PDE4C: variants seen among roughly 807,000 people sequenced by gnomAD.
PDE4C encodes 3',5'-cyclic-AMP phosphodiesterase 4C.
PDE4C carries 50 observed loss-of-function variants against 63.9 expected under a neutral mutation model. The ratio of observed to expected loss-of-function variants is 0.78; its 90% CI spans 0.62 to 0.99. The LOEUF (loss-of-function observed/expected upper bound fraction) is 0.99. Among genes scored for constraint, PDE4C ranks in the 50% least tolerant of loss-of-function variants. PDE4C has a pLI of 0.00. For missense variants in PDE4C, 777 were observed against 899.1 expected (o/e 0.86, Z 1.74); for synonymous variants, 377 against 385.1 (o/e 0.98, Z 0.25).
intron 1 of PDE4C, chr19:18,224,091 G>T: frequency 1.8e-6 from 1 of 565,902 alleles, no homozygotes; most frequent in Non-Finnish European, 2.2e-6. Context: ...CGTGCTTTCT[G>T]CCCGGCCCAC....
intron 1 of PDE4C, among the ~76,000 whole-genome samples, chr19:18,244,627 C>G: frequency 6.6e-6 from 1 of 152,068 alleles, no homozygotes; most frequent in Non-Finnish European, 1.5e-5. Context: ...ATCCTTCTGC[C>G]TCAGCCTCCC....
upstream of PDE4C, among the ~76,000 whole-genome samples, chr19:18,253,069 G>A (rs940166320): frequency 4.6e-5 from 7 of 152,306 alleles, no homozygotes; most frequent in South Asian, 6.2e-4. Flanking sequence ...GCAGATCAGC[G>A]TTCCCAGTCC....
At chr19:18,215,523 A>T (rs1968150675) in intron 12 of PDE4C, among the ~76,000 whole-genome samples, 1 of 148,264 alleles carries the variant, frequency 6.7e-6, no homozygotes, top group Non-Finnish European at 1.5e-5. Flanking sequence ...GATGTGTATA[A>T]TTTTTTTTTT....
chr19:18,249,409 G>A (rs1475358692), upstream of PDE4C, among the ~76,000 whole-genome samples: 1 of 151,982 alleles, frequency 6.6e-6, no homozygotes, highest in Non-Finnish European at 1.5e-5. Flanking sequence ...CTAATAGCTG[G>A]GATTACAGGC....
chr19:18,236,912 C>T (rs74389406), upstream of PDE4C: 4,914 of 152,830 alleles, frequency 0.032, 251 homozygotes, highest in African/African-American at 0.11. Flanking sequence ...TGGTGAACAC[C>T]ACATGGGTAC....
At chr19:18,230,595 A>G (rs2148050799), upstream of PDE4C, among the ~76,000 whole-genome samples, 1 of 152,188 alleles carries the variant, frequency 6.6e-6, no homozygotes, top group East Asian at 1.9e-4. Flanking sequence ...AGCTCCTCAC[A>G]TGCCTGATCC....
At chr19:18,249,907 G>A (rs1489137150), upstream of PDE4C, 8 of 384,930 alleles carry the variant, frequency 2.1e-5, no homozygotes, top group Non-Finnish European at 1.4e-5. Flanking sequence ...TCCCTGCCTT[G>A]AGTCTGTGGA....
chr19:18,238,215 AC>A (rs898111598), upstream of PDE4C, among the ~76,000 whole-genome samples: 1 of 146,236 alleles, frequency 6.8e-6, no homozygotes, highest in African/African-American at 2.5e-5. Flanking sequence ...ACAGAGTGAG[AC>A]CCCCTGTATC....
chr19:18,240,274 A>G (rs1235693395), intron 1 of PDE4C, among the ~76,000 whole-genome samples: 1 of 151,682 alleles, frequency 6.6e-6, no homozygotes, highest in Non-Finnish European at 1.5e-5. Flanking sequence ...AACATTTTAT[A>G]AATTAGCCAG....
At chr19:18,251,430 T>C (rs2148082002), upstream of PDE4C, among the ~76,000 whole-genome samples, 1 of 151,330 alleles carries the variant, frequency 6.6e-6, no homozygotes, top group South Asian at 2.1e-4. Flanking sequence ...CCAGCCATTT[T>C]TATTTTATTT....
At chr19:18,227,256 C>A (rs547844352), upstream of PDE4C, among the ~76,000 whole-genome samples, 6 of 152,134 alleles carry the variant, frequency 3.9e-5, no homozygotes, top group African/African-American at 1.2e-4. Context: ...CTTCCATGGA[C>A]GCGGTCACGG....
chr19:18,239,571 A>G lies in PDE4C; in HGVS notation c.-209-6171T>C, dbSNP rs192939045. Among the ~76,000 whole-genome samples, 7 of 152,290 alleles carry G rather than the reference A, an allele frequency of 4.6e-5. No homozygotes were observed. In the East Asian group the frequency reaches 1.2e-3, roughly 25 times the overall value. On this transcript the variant is annotated intron_variant, in intron 1 of 15. Coordinates refer to the PDE4C transcript ENST00000594617. ...TGCTGTCCGCGGTGCTGACCCCAGA[A>G]TGGGGCACAAAACTGGAACTCACAG...
upstream of PDE4C, among the ~76,000 whole-genome samples, chr19:18,236,044 G>A (rs894978129): frequency 6.6e-6 from 1 of 150,930 alleles, no homozygotes; most frequent in Non-Finnish European, 1.5e-5. Flanking sequence ...CCGGGTTCAC[G>A]CCATTCTCCT....
rs1007118133 is a variant in PDE4C at position 18,222,120 on chromosome 19, C to T, written c.338+12G>A. The T allele has an allele frequency of 6.2e-7, 1 of 1,602,272 alleles. No individual in the cohort carries two copies. The highest frequency in any genetic ancestry group is 8.5e-7 in the Non-Finnish European group (1 of 1,170,694). Reference sequence around the variant, plus strand: ...GGTAGAGGCGGTGTCATCCCACCAGCCCCAGACTCACAGGTCGCTGGCCAC... The same window carrying T: ...GGTAGAGGCGGTGTCATCCCACCAGTCCCAGACTCACAGGTCGCTGGCCAC... On this transcript the variant is annotated intron_variant, in intron 2 of 14. Transcript: ENST00000262805.
intron 13 of PDE4C, 58 bp from the exon 14 acceptor site, chr19:18,211,999 C>A: frequency 6.4e-7 from 1 of 1,552,148 alleles, no homozygotes; most frequent in Non-Finnish European, 8.9e-7. Flanking sequence ...CTAGACCTGG[C>A]ACCTCCACAG....
intron 1 of PDE4C, among the ~76,000 whole-genome samples, chr19:18,247,149 G>C (rs1242800814): frequency 2.7e-4 from 41 of 152,218 alleles, no homozygotes; most frequent in Admixed American, 2.4e-3. Context: ...TCAAAACCTT[G>C]TGTCCAGGCA....
At chr19:18,251,076 T>C (rs1969223998), upstream of PDE4C, among the ~76,000 whole-genome samples, 3 of 148,734 alleles carry the variant, frequency 2.0e-5, no homozygotes, top group East Asian at 6.2e-4. Context: ...GAGCCCAGCC[T>C]AATTTTTAAA....
intron 1 of PDE4C, among the ~76,000 whole-genome samples, chr19:18,247,984 C>T (rs1412048125): frequency 6.6e-6 from 1 of 152,160 alleles, no homozygotes; most frequent in African/African-American, 2.4e-5. Context: ...GGTTCAGCAG[C>T]CTGGGTGGGG....
intron 1 of PDE4C, chr19:18,232,916 C>CG: frequency 7.0e-7 from 1 of 1,425,102 alleles, no homozygotes; most frequent in Non-Finnish European, 9.2e-7. Context: ...GCCCCTCCCC[C>CG]GCGCTGCAGG....
Sources: gnomAD v4.1 joint callset for allele counts (sites outside exome capture counted in the v4.1 genomes callset) on GRCh38, gnomAD v4.1.1 for gene constraint, MANE v1.5 for transcripts, NCBI Gene and HGNC (gene_info 2026-07-23, HGNC 2026-07-21) for gene names.